Variants in IPO11 observed in about 807,000 individuals in gnomAD.
IPO11 encodes the protein importin 11.
Under a neutral mutation model 143.2 loss-of-function variants are expected in IPO11, and 66 were observed. The observed-to-expected ratio is 0.46, with a 90% CI of 0.38 to 0.57. The LOEUF is 0.57. Ranked by LOEUF, IPO11 falls within the 20% of genes least tolerant of loss-of-function variation. IPO11 has a pLI of 0.00. For missense variants in IPO11, 1,026 were observed against 1,141.0 expected (o/e 0.90, Z 1.45); for synonymous variants, 385 against 377.8 (o/e 1.02, Z -0.22).
At chr5:62,504,804 A>G in intron 17 of IPO11, 54 bp from the exon 18 acceptor site, 1 of 1,364,322 alleles carries the variant, frequency 7.3e-7, no homozygotes, top group Non-Finnish European at 1.0e-6. Context: ...TTTTAGATAC[A>G]GATTTATTTT....
chr5:62,478,835 TG>T (rs927985493), intron 9 of IPO11, among the ~76,000 whole-genome samples: 34 of 152,310 alleles, frequency 2.2e-4, no homozygotes, highest in African/African-American at 8.2e-4. Flanking sequence ...GGCTTTTTTG[TG>T]GGGGATAGGG....
chr5:62,533,554 A>C (rs1019884507), intron 22 of IPO11, among the ~76,000 whole-genome samples: 43 of 152,172 alleles, frequency 2.8e-4, no homozygotes, highest in African/African-American at 1.0e-3. Flanking sequence ...TTTTAAATAC[A>C]ACCAGAATAT....
At chr5:62,598,383 G>C (rs77476647) in intron 28 of IPO11, among the ~76,000 whole-genome samples, 2 of 27,340 alleles carry the variant, frequency 7.3e-5, no homozygotes, top group African/African-American at 4.6e-4. Flanking sequence ...TTGTTTGCTT[G>C]CTTGCTTGCT....
intron 29 of IPO11, among the ~76,000 whole-genome samples, chr5:62,610,534 G>T (rs1439644418): frequency 1.3e-5 from 2 of 152,086 alleles, no homozygotes; most frequent in Non-Finnish European, 2.9e-5. Context: ...ACCAAATTTG[G>T]TTATCATAAG....
intron 5 of IPO11, 81 bp downstream of exon 5, chr5:62,452,014 T>G: frequency 9.1e-7 from 1 of 1,103,150 alleles, no homozygotes; most frequent in Non-Finnish European, 1.4e-6. Flanking sequence ...ATCTCAGCAC[T>G]TTGGGAGGCC....
chr5:62,553,775 CAG>C (rs1240884209), intron 26 of IPO11, among the ~76,000 whole-genome samples: 2 of 151,866 alleles, frequency 1.3e-5, no homozygotes, highest in African/African-American at 4.8e-5. Context: ...GTTTTTGAGA[CAG>C]AGTCTCACTC....
chr5:62,415,705 TGA>T (rs1208769667), intron 1 of IPO11, among the ~76,000 whole-genome samples: 50 of 150,810 alleles, frequency 3.3e-4, no homozygotes, highest in African/African-American at 1.2e-3. Context: ...CGACCTCAGG[TGA>T]TCCCCCTGCC....
intron 18 of IPO11, among the ~76,000 whole-genome samples, chr5:62,505,825 A>G (rs1741537017): frequency 6.6e-6 from 1 of 152,212 alleles, no homozygotes; most frequent in African/African-American, 2.4e-5. Context: ...TGTGAGTGCA[A>G]TAATTAACGT....
rs950516072 is a variant in IPO11 at position 62,461,241 on chromosome 5, T to TG, written c.517-5884dup. 7.9e-5 allele frequency among the ~76,000 whole-genome samples: 12 copies of TG among 151,626 alleles called. No homozygotes were observed. In the East Asian group the frequency reaches 1.6e-3, roughly 20 times the overall value. Reference sequence around the variant, plus strand: ...TGGAAAGGGTGGGAGGTTGGGGGGATGGGGGGTTGAGAGGATGGAAAATTA... The same window carrying TG: ...TGGAAAGGGTGGGAGGTTGGGGGGATGGGGGGGTTGAGAGGATGGAAAATTA... On this transcript the variant is annotated intron_variant, in intron 5 of 29. Coordinates refer to ENST00000325324, the MANE Select transcript of IPO11 (RefSeq NM_016338.5).
At position 62,627,535 on chromosome 5, in the gene IPO11, G is replaced by A. The variant is rs1474452286; in HGVS notation, c.*217G>A. 2.4e-6 allele frequency: 1 copy of A among 411,786 alleles called. No homozygotes were observed. The highest frequency in any genetic ancestry group is 3.8e-5 in the East Asian group (1 of 26,370). The allele number at this position is 411,786 out of a possible 1,614,324, so 25.5% of individuals were successfully genotyped here. On this transcript the variant is annotated 3_prime_UTR_variant, in exon 30 of 30. Coordinates refer to ENST00000325324, the MANE Select transcript of IPO11 (RefSeq NM_016338.5). ...AAAGAATTTAATTTTATATTTATGAGGGGGCCCTTCACTAAAAAGTACATG... is the reference window on the plus strand; with the variant it reads ...AAAGAATTTAATTTTATATTTATGAAGGGGCCCTTCACTAAAAAGTACATG...
chr5:62,561,278 A>AC (rs1743760352), intron 27 of IPO11, 21 bp downstream of exon 27: 7 of 1,583,096 alleles, frequency 4.4e-6, no homozygotes, highest in Non-Finnish European at 6.0e-6. Flanking sequence ...GTTTTCTTAA[A>AC]ATTTGTTTCT....
rs1175661794 is a variant in IPO11 at position 62,435,200 on chromosome 5, GTA to G, written c.-6-2066_-6-2065del. ...TATATGTATATATATGTATATATAT[GTA>G]TATATATGTGTATATATATATATAT... On this transcript the variant is annotated intron_variant, in intron 1 of 29. Coordinates refer to ENST00000325324, the MANE Select transcript of IPO11 (RefSeq NM_016338.5). Among the ~76,000 whole-genome samples the G allele has an allele frequency of 7.6e-5, 8 of 104,694 alleles. 2 individuals carry two copies. Among genetic ancestry groups the G allele is most frequent in the South Asian group, 3.1e-4 (1 of 3,196 alleles). 68.7% of individuals were successfully genotyped at this position (104,694 alleles called of 152,430 possible).
At chr5:62,536,671 G>A in intron 22 of IPO11, 31 bp from the exon 23 acceptor site, 2 of 1,565,534 alleles carry the variant, frequency 1.3e-6, no homozygotes, top group Non-Finnish European at 1.7e-6. Flanking sequence ...AATTAATTTG[G>A]TTTTTTGTTT....
intron 26 of IPO11, 97 bp downstream of exon 26, chr5:62,551,433 T>C: frequency 1.5e-6 from 1 of 671,460 alleles, no homozygotes; most frequent in South Asian, 1.8e-5. Flanking sequence ...AGTCGCTTTG[T>C]AGTATTTAGA....
Position 62,542,424 on chromosome 5 carries a change from G to A in IPO11, c.2250+5135G>A, listed in dbSNP as rs148840337. 5.0e-3 allele frequency among the ~76,000 whole-genome samples: 755 copies of A among 151,992 alleles called. 12 individuals carry two copies. Among genetic ancestry groups the A allele is most frequent in the Non-Finnish European group, 7.6e-3 (519 of 67,956 alleles). ...GCTGGGCAAACTCAAAATTTTTGGCGTTTTCCTGTTCTTAGAGTTCTAGTA... is the reference window on the plus strand; with the variant it reads ...GCTGGGCAAACTCAAAATTTTTGGCATTTTCCTGTTCTTAGAGTTCTAGTA... On this transcript the variant is annotated intron_variant, in intron 24 of 29. Coordinates refer to ENST00000325324, the MANE Select transcript of IPO11 (RefSeq NM_016338.5).
At chr5:62,615,603 A>C (rs970709692) in intron 29 of IPO11, among the ~76,000 whole-genome samples, 1 of 152,196 alleles carries the variant, frequency 6.6e-6, no homozygotes, top group African/African-American at 2.4e-5. Context: ...ATTTCAACAA[A>C]GTGAGTTTCA....
Position 62,551,277 on chromosome 5 carries a change from C to T in IPO11, c.2401C>T (p.Gln801Ter). 6.2e-7 allele frequency: 1 copy of T among 1,610,596 alleles called. No homozygotes were observed. Among genetic ancestry groups the T allele is most frequent in the Non-Finnish European group, 8.5e-7 (1 of 1,178,056 alleles). The stretch of plus-strand genomic sequence containing the variant: ...TGGAGTTATGGGTCGAGTTCTACTA[C>T]AAAACACTAGTTTTTTTTCTTCACT... ...YLGVMGRVLLQNTSFFSSLLN... is the reference protein window; with the variant it reads ...YLGVMGRVLL Residue 801 changes from glutamine to a stop codon, truncating the protein, a stop_gained, in exon 26 of 30, where the codon CAA (glutamine) becomes TAA (stop). Transcript: ENST00000325324. LOFTEE classifies it high-confidence loss of function.
chr5:62,586,774 T>A (rs866731177), intron 27 of IPO11, among the ~76,000 whole-genome samples: 13 of 120,394 alleles, frequency 1.1e-4, no homozygotes, highest in African/African-American at 3.3e-4. Flanking sequence ...AAAAAATATA[T>A]ATATATATAT....
intron 29 of IPO11, among the ~76,000 whole-genome samples, chr5:62,614,290 C>A (rs1746044647): frequency 6.6e-6 from 1 of 152,182 alleles, no homozygotes; most frequent in African/African-American, 2.4e-5. Flanking sequence ...TTCAAAATGG[C>A]TTTATGTCAT....
Sources: allele counts gnomAD v4.1 joint callset (sites outside exome capture counted in the v4.1 genomes callset), GRCh38; gene constraint gnomAD v4.1.1; transcripts MANE v1.5; gene names NCBI Gene and HGNC (gene_info 2026-07-23, HGNC 2026-07-21).